Variants in BLTP3B observed in about 807,000 individuals in gnomAD.
BLTP3B encodes the protein UHRF1 (ICBP90) binding protein 1-like.
chr12:100,048,123 A>G, the BLTP3B span: 1 of 1,611,688 alleles, frequency 6.2e-7, no homozygotes, highest in Admixed American at 1.7e-5. Context: ...GTATTACAGC[A>G]CCAGGCCCAC....
At chr12:100,114,077 T>A in the BLTP3B span, among the ~76,000 whole-genome samples, 9 of 152,224 alleles carry the variant, frequency 5.9e-5, no homozygotes, top group Non-Finnish European at 1.3e-4. Flanking sequence ...TTCAGCACTG[T>A]AATTCAATAT....
At chr12:100,066,777 C>T in the BLTP3B span, among the ~76,000 whole-genome samples, 5 of 151,536 alleles carry the variant, frequency 3.3e-5, no homozygotes, top group Non-Finnish European at 7.4e-5. Flanking sequence ...GCACTCCAGC[C>T]TAGGCGACAG....
At chr12:100,081,790 CCA>C in the BLTP3B span, among the ~76,000 whole-genome samples, 3 of 152,162 alleles carry the variant, frequency 2.0e-5, no homozygotes, top group Admixed American at 1.3e-4. Flanking sequence ...TGTATATGTA[CCA>C]CAGTTTCTTT....
the BLTP3B span, among the ~76,000 whole-genome samples, chr12:100,043,355 T>C: frequency 1.9e-4 from 29 of 152,186 alleles, no homozygotes; most frequent in African/African-American, 7.0e-4. Context: ...CTTTCCCTCA[T>C]TGACTTGTTT....
the BLTP3B span, among the ~76,000 whole-genome samples, chr12:100,079,584 A>G: frequency 1.3e-5 from 2 of 152,200 alleles, no homozygotes; most frequent in Non-Finnish European, 2.9e-5. Flanking sequence ...AGGAGAGTAT[A>G]AAAGTTCAAA....
the BLTP3B span, chr12:100,058,709 T>A: frequency 6.2e-7 from 1 of 1,614,016 alleles, no homozygotes; most frequent in South Asian, 1.1e-5. Context: ...TACAAATGGA[T>A]GTCTGACTAG....
chr12:100,116,462 A>AAAG, the BLTP3B span, among the ~76,000 whole-genome samples: 2 of 151,076 alleles, frequency 1.3e-5, no homozygotes, highest in African/African-American at 4.9e-5. Context: ...AAAAAAAAAA[A>AAAG]AAAAGAAAAG....
At chr12:100,130,959 TATAG>T in the BLTP3B span, among the ~76,000 whole-genome samples, 71 of 126,378 alleles carry the variant, frequency 5.6e-4, no homozygotes, top group Non-Finnish European at 8.0e-4. Flanking sequence ...CATATATATA[TATAG>T]AGAGAGAGAG....
chr12:100,132,746 G>C, the BLTP3B span, among the ~76,000 whole-genome samples: 5 of 149,290 alleles, frequency 3.3e-5, no homozygotes, highest in African/African-American at 1.3e-4. Flanking sequence ...CAGGAGTCTT[G>C]AGACCAGCCT....
At chr12:100,065,198 G>A in the BLTP3B span, among the ~76,000 whole-genome samples, 17 of 151,678 alleles carry the variant, frequency 1.1e-4, no homozygotes, top group African/African-American at 2.7e-4. Flanking sequence ...TGTTATCTTC[G>A]TAAATTGAGG....
At chr12:100,075,104 C>T in the BLTP3B span, among the ~76,000 whole-genome samples, 9 of 151,852 alleles carry the variant, frequency 5.9e-5, no homozygotes, top group South Asian at 2.1e-4. Flanking sequence ...CTCTGCCTCC[C>T]GGGTTCAAGC....
the BLTP3B span, among the ~76,000 whole-genome samples, chr12:100,134,262 A>G: frequency 2.6e-5 from 4 of 152,228 alleles, no homozygotes; most frequent in African/African-American, 9.6e-5. Flanking sequence ...TAAAACATGT[A>G]TAGTCTAAAT....
chr12:100,119,361 A>G, the BLTP3B span, among the ~76,000 whole-genome samples: 2 of 152,198 alleles, frequency 1.3e-5, no homozygotes, highest in Non-Finnish European at 2.9e-5. Flanking sequence ...AATGTCATCA[A>G]TTCTCTCAAA....
At chr12:100,128,747 G>A in the BLTP3B span, 1 of 1,277,742 alleles carries the variant, frequency 7.8e-7, no homozygotes, top group Non-Finnish European at 1.0e-6. Context: ...GGGTACACAG[G>A]GGACACAGAA....
chr12:100,064,145 G>C, the BLTP3B span, among the ~76,000 whole-genome samples: 3 of 152,122 alleles, frequency 2.0e-5, no homozygotes, highest in Admixed American at 2.0e-4. Flanking sequence ...AAATGCTATA[G>C]AAAGTCTCAG....
the BLTP3B span, chr12:100,037,398 T>C: frequency 8.2e-7 from 1 of 1,222,176 alleles, no homozygotes; most frequent in Non-Finnish European, 1.0e-6. Context: ...TTGACTTCCC[T>C]AGATCACAAC....
At chr12:100,142,833 G>A in the BLTP3B span, 5 of 684,854 alleles carry the variant, frequency 7.3e-6, 1 homozygote, top group East Asian at 6.7e-5. Context: ...CGCCACGGCC[G>A]CCGCGGGCGC....
the BLTP3B span, chr12:100,095,910 G>A: frequency 7.6e-7 from 1 of 1,316,766 alleles, no homozygotes; most frequent in African/African-American, 1.5e-5. Flanking sequence ...ATTAAAAAAT[G>A]TTTTCAAAAC....
chr12:100,074,694 A>G, the BLTP3B span, among the ~76,000 whole-genome samples: 10 of 152,062 alleles, frequency 6.6e-5, no homozygotes, highest in Non-Finnish European at 8.8e-5. Flanking sequence ...TTAGAAAAAA[A>G]TTTTAAAATA....
Sources: allele counts gnomAD v4.1 joint callset (sites outside exome capture counted in the v4.1 genomes callset), GRCh38; gene constraint gnomAD v4.1.1; transcripts MANE v1.5; gene names NCBI Gene and HGNC (gene_info 2026-07-23, HGNC 2026-07-21).